MINDY4: variants seen among roughly 807,000 people sequenced by gnomAD.
The protein encoded by MINDY4 is probable ubiquitin carboxyl-terminal hydrolase MINDY-4.
Under a neutral mutation model 87.0 loss-of-function variants are expected in MINDY4, and 68 were observed. The ratio of observed to expected loss-of-function variants is 0.78; its 90% CI spans 0.64 to 0.96. The LOEUF is 0.96. Ranked by LOEUF, MINDY4 falls within the 40% of genes least tolerant of loss-of-function variation. The pLI, the probability that MINDY4 is intolerant of heterozygous loss-of-function variation, is 0.00. For missense variants in MINDY4, 919 were observed against 928.2 expected (o/e 0.99, Z 0.13); for synonymous variants, 379 against 363.2 (o/e 1.04, Z -0.50).
At chr7:30,808,891 G>A (rs754208139) in intron 5 of MINDY4, among the ~76,000 whole-genome samples, 13 of 151,760 alleles carry the variant, frequency 8.6e-5, no homozygotes, top group Admixed American at 2.6e-4. Flanking sequence ...GACCAACAGA[G>A]AGAGAAAGAG....
intron 12 of MINDY4, 95 bp downstream of exon 12, chr7:30,853,554 C>A: frequency 1.8e-6 from 2 of 1,127,198 alleles, no homozygotes; most frequent in Admixed American, 2.0e-5. Flanking sequence ...GTTCTCCTGT[C>A]GTCCCACCCT....
chr7:30,841,638 A>T (rs1290565174), intron 9 of MINDY4, among the ~76,000 whole-genome samples: 2 of 151,952 alleles, frequency 1.3e-5, no homozygotes, highest in East Asian at 1.9e-4. Flanking sequence ...CCTTTTTTAA[A>T]AAAAAAAAAT....
At chr7:30,866,778 C>T (rs1584335747) in intron 13 of MINDY4, among the ~76,000 whole-genome samples, 1 of 152,238 alleles carries the variant, frequency 6.6e-6, no homozygotes, top group South Asian at 2.1e-4. Context: ...AGGAGCTGGA[C>T]ATGGTGGGTG....
At chr7:30,830,502 C>T (rs774592290) in intron 6 of MINDY4, among the ~76,000 whole-genome samples, 3 of 152,118 alleles carry the variant, frequency 2.0e-5, no homozygotes, top group African/African-American at 4.8e-5. Flanking sequence ...AACTTACAAT[C>T]GTGGCAGAAG....
chr7:30,772,075 A>G (rs550947467), intron 1 of MINDY4, among the ~76,000 whole-genome samples: 4 of 152,122 alleles, frequency 2.6e-5, no homozygotes, highest in African/African-American at 7.2e-5. Context: ...AAGTTTTCCT[A>G]TTGTCTTGTC....
intron 5 of MINDY4, among the ~76,000 whole-genome samples, chr7:30,791,852 G>A (rs1313465983): frequency 6.6e-6 from 1 of 152,024 alleles, no homozygotes; most frequent in African/African-American, 2.4e-5. Flanking sequence ...CTTGTGCCAC[G>A]CATAAAATAT....
intron 9 of MINDY4, among the ~76,000 whole-genome samples, chr7:30,843,951 G>C (rs527995363): frequency 1.3e-5 from 2 of 152,328 alleles, no homozygotes; most frequent in South Asian, 4.1e-4. Flanking sequence ...GACCAGAGGA[G>C]GTCTGTGCCA....
At chr7:30,864,221 G>A (rs992233294) in intron 13 of MINDY4, among the ~76,000 whole-genome samples, 1 of 152,230 alleles carries the variant, frequency 6.6e-6, no homozygotes, top group African/African-American at 2.4e-5. Context: ...TGAGGGTGAG[G>A]GATGACGCTG....
chr7:30,811,556 G>T (rs1057248973), intron 5 of MINDY4, among the ~76,000 whole-genome samples: 1 of 152,166 alleles, frequency 6.6e-6, no homozygotes. Flanking sequence ...TCTTATGCCC[G>T]ATTTCTGCTT....
intron 5 of MINDY4, among the ~76,000 whole-genome samples, chr7:30,826,586 G>A (rs1157767522): frequency 6.6e-6 from 1 of 152,232 alleles, no homozygotes; most frequent in African/African-American, 2.4e-5. Flanking sequence ...GGCAGTAGGT[G>A]GCCAGATCAT....
chr7:30,808,122 G>A (rs746319281), intron 5 of MINDY4, among the ~76,000 whole-genome samples: 2 of 152,180 alleles, frequency 1.3e-5, no homozygotes, highest in South Asian at 2.1e-4. Context: ...GAGCGCTCCC[G>A]GGTAGGCAAC....
intron 17 of MINDY4, among the ~76,000 whole-genome samples, chr7:30,885,796 C>G (rs1790617821): frequency 6.6e-6 from 1 of 151,020 alleles, no homozygotes; most frequent in Non-Finnish European, 1.5e-5. Flanking sequence ...GCCAGGGGAA[C>G]CTTCTTCCTG....
intron 9 of MINDY4, among the ~76,000 whole-genome samples, chr7:30,844,349 C>A (rs1171964458): frequency 6.6e-6 from 1 of 152,074 alleles, no homozygotes; most frequent in African/African-American, 2.4e-5. Context: ...GCCCAGAGAC[C>A]GTCTCCCCTG....
At chr7:30,839,344 C>T (rs1256093000) in intron 8 of MINDY4, 28 bp downstream of exon 8, 2 of 1,451,358 alleles carry the variant, frequency 1.4e-6, no homozygotes, top group Admixed American at 4.0e-5. Flanking sequence ...TTCCTTGGGA[C>T]CTTTCTGCTG....
intron 5 of MINDY4, among the ~76,000 whole-genome samples, chr7:30,821,527 C>T (rs929419956): frequency 2.0e-5 from 3 of 152,004 alleles, no homozygotes; most frequent in Admixed American, 6.6e-5. Flanking sequence ...CTTTTGTATT[C>T]CAGTAGTTTT....
At chr7:30,806,722 G>C (rs1283721688) in intron 5 of MINDY4, among the ~76,000 whole-genome samples, 2 of 152,258 alleles carry the variant, frequency 1.3e-5, no homozygotes, top group Admixed American at 6.5e-5. Context: ...CTGCCTTGAG[G>C]CATTTCCTTC....
In MINDY4 at chr7:30,880,820, G is replaced by A. The variant is rs185708771; in HGVS notation, c.1972-1361G>A. ...TGTGGGGGGAGGGGACACTTGAACC[G>A]TAAGAAAGGATGAGTGCGTTGTAAA... On this transcript the variant is annotated intron_variant, in intron 15 of 17. Coordinates refer to ENST00000265299, the MANE Select transcript of MINDY4 (RefSeq NM_032222.3). 4.9e-3 allele frequency among the ~76,000 whole-genome samples: 739 copies of A among 152,238 alleles called. 11 individuals are homozygous for A. Among genetic ancestry groups the A allele is most frequent in the Non-Finnish European group, 4.2e-3 (283 of 68,030 alleles).
intron 8 of MINDY4, 22 bp from the exon 9 acceptor site, chr7:30,840,738 G>A (rs1789004354): frequency 2.5e-6 from 4 of 1,611,692 alleles, no homozygotes; most frequent in Admixed American, 3.3e-5. Context: ...CTCACTGGCA[G>A]CAATGGTCTC....
At chr7:30,812,551 G>A (rs1562539243) in intron 5 of MINDY4, among the ~76,000 whole-genome samples, 2 of 152,180 alleles carry the variant, frequency 1.3e-5, no homozygotes, top group Admixed American at 6.5e-5. Flanking sequence ...TGGGTGAGGT[G>A]ATGGTATAAA....
Sources: gnomAD v4.1 joint callset for allele counts (sites outside exome capture counted in the v4.1 genomes callset) on GRCh38, gnomAD v4.1.1 for gene constraint, MANE v1.5 for transcripts, NCBI Gene and HGNC (gene_info 2026-07-23, HGNC 2026-07-21) for gene names.